The following PGBD2 variants were observed in gnomAD, a reference collection of about 807,000 sequenced individuals.
PGBD2 encodes the protein piggyBac transposable element-derived protein 2.
In PGBD2, 6 loss-of-function variants were observed where a neutral mutation model predicts 8.1. The observed-to-expected ratio is 0.74, with a 90% CI of 0.40 to 1.46. The LOEUF (loss-of-function observed/expected upper bound fraction) is 1.46. Ranked by LOEUF, PGBD2 falls within the 40% of genes most tolerant of loss-of-function variation. The pLI is 0.02. For missense variants in PGBD2, 802 were observed against 739.0 expected (o/e 1.09, Z -0.99); for synonymous variants, 318 against 272.2 (o/e 1.17, Z -1.66).
the PGBD2 span, among the ~76,000 whole-genome samples, chr1:248,874,251 C>T: frequency 5.3e-5 from 8 of 152,180 alleles, no homozygotes; most frequent in East Asian, 1.9e-4. Context: ...CATGTCTTCC[C>T]TGGTGGTCTA....
chr1:248,908,549 A>G lies in PGBD2; in HGVS notation c.-48+2207A>G, dbSNP rs1661743526. ...CTTAAGTGTGTCCATTTCTCTCCAT[A>G]GGCCCCACCCTTTTGCCGTAGCCTT... On this transcript the variant is annotated intron_variant, in intron 1 of 2. Coordinates refer to ENST00000329291, the MANE Select transcript of PGBD2 (RefSeq NM_170725.3). Among the ~76,000 whole-genome samples, 8 of 152,144 alleles carry G rather than the reference A, an allele frequency of 5.3e-5. No homozygotes were observed. In the South Asian group the frequency reaches 1.7e-3, roughly 32 times the overall value.
At chr1:248,928,403 T>G in the PGBD2 span, among the ~76,000 whole-genome samples, 2 of 152,204 alleles carry the variant, frequency 1.3e-5, no homozygotes, top group Non-Finnish European at 2.9e-5. Context: ...TGAATGATTG[T>G]ATTGGACATT....
At chr1:248,921,010 G>A (rs1365810058), downstream of PGBD2, among the ~76,000 whole-genome samples, 1 of 148,688 alleles carries the variant, frequency 6.7e-6, no homozygotes, top group Non-Finnish European at 1.5e-5. Flanking sequence ...TTGTAAATTT[G>A]TTTAAGTTCT....
chr1:248,879,196 T>C, the PGBD2 span, among the ~76,000 whole-genome samples: 1 of 152,226 alleles, frequency 6.6e-6, no homozygotes, highest in African/African-American at 2.4e-5. Context: ...TGCTGTTTTA[T>C]TATGGCTACT....
chr1:248,882,525 T>C, the PGBD2 span, among the ~76,000 whole-genome samples: 4 of 152,196 alleles, frequency 2.6e-5, no homozygotes, highest in African/African-American at 9.6e-5. Flanking sequence ...AGCTAGACAA[T>C]CGGTTAGACC....
chr1:248,901,209 A>T (rs557150794), upstream of PGBD2, among the ~76,000 whole-genome samples: 1 of 152,214 alleles, frequency 6.6e-6, no homozygotes, highest in Non-Finnish European at 1.5e-5. Flanking sequence ...TTAAATTGCT[A>T]TGGACATTTT....
chr1:248,917,868 A>T lies in PGBD2; in HGVS notation c.1284A>T (p.Ile428=). ...ACATTTGCTCCAATGCTGTGGGCAT[A>T]GAGCCAGTGAGGCTGACCAGTCGTC... ...VVNICSNAVG[I]EPVRLTSRHS... is the part of the protein sequence containing the mutation. Residue 428 remains isoleucine, a synonymous_variant, in exon 3 of 3, where the codon ATA becomes ATT. Transcript: ENST00000329291. The T allele has an allele frequency of 6.2e-7, 1 of 1,614,240 alleles. No individual in the cohort carries two copies. The highest frequency in any genetic ancestry group is 8.5e-7 in the Non-Finnish European group (1 of 1,180,044).
At chr1:248,900,522 G>T in the PGBD2 span, among the ~76,000 whole-genome samples, 1 of 152,110 alleles carries the variant, frequency 6.6e-6, no homozygotes, top group Admixed American at 6.6e-5. Flanking sequence ...AAGCATAAAA[G>T]ATCTTTGATA....
chr1:248,908,703 T>C (rs962004502), intron 1 of PGBD2, among the ~76,000 whole-genome samples: 4 of 150,130 alleles, frequency 2.7e-5, no homozygotes, highest in Admixed American at 2.0e-4. Flanking sequence ...TTTTTTAAAC[T>C]TCCCATAGCT....
At chr1:248,898,319 G>C in the PGBD2 span, among the ~76,000 whole-genome samples, 1 of 152,196 alleles carries the variant, frequency 6.6e-6, no homozygotes, top group Non-Finnish European at 1.5e-5. Flanking sequence ...ACCTCCAGCA[G>C]CATTTGGGCT....
chr1:248,878,881 T>C, the PGBD2 span, among the ~76,000 whole-genome samples: 1 of 152,244 alleles, frequency 6.6e-6, no homozygotes, highest in Non-Finnish European at 1.5e-5. Flanking sequence ...TCCACTGTTG[T>C]TATGGCATAT....
chr1:248,886,541 C>T, the PGBD2 span, among the ~76,000 whole-genome samples: 2 of 152,164 alleles, frequency 1.3e-5, no homozygotes, highest in Non-Finnish European at 2.9e-5. Flanking sequence ...AAAATATCTT[C>T]CTAGACATTG....
chr1:248,917,229 A>G lies in PGBD2; in HGVS notation c.645A>G (p.Ala215=). The G allele has an allele frequency of 6.2e-7, 1 of 1,614,140 alleles. No individual in the cohort carries two copies. Residue 215 remains alanine (A), a synonymous_variant, in exon 3 of 3, where the codon GCA becomes GCG. Transcript: ENST00000329291. ...PDSHHHLVAD[A]IRRDRFELIF... ...CACATCATCATCTTGTGGCTGATGC[A>G]ATTAGAAGGGACAGATTTGAACTAA...
the PGBD2 span, among the ~76,000 whole-genome samples, chr1:248,896,164 A>G: frequency 6.6e-6 from 1 of 151,748 alleles, no homozygotes; most frequent in African/African-American, 2.4e-5. Context: ...ATGGTCTTCA[A>G]CTCCATCCAA....
At chr1:248,873,154 C>G in the PGBD2 span, among the ~76,000 whole-genome samples, 3 of 151,708 alleles carry the variant, frequency 2.0e-5, no homozygotes, top group Non-Finnish European at 4.4e-5. Flanking sequence ...GGTATCTGGG[C>G]TCACAGGTAA....
chr1:248,905,398 G>T (rs1661603575), upstream of PGBD2, among the ~76,000 whole-genome samples: 1 of 152,158 alleles, frequency 6.6e-6, no homozygotes, highest in African/African-American at 2.4e-5. Flanking sequence ...ATACCTAATG[G>T]GCTACTGGGT....
intron 1 of PGBD2, among the ~76,000 whole-genome samples, chr1:248,910,213 A>G (rs564003685): frequency 1.3e-5 from 2 of 152,362 alleles, no homozygotes; most frequent in East Asian, 3.9e-4. Context: ...AAATGTATGG[A>G]TATTTATAGT....
At chr1:248,903,551 C>T (rs1331340036), upstream of PGBD2, among the ~76,000 whole-genome samples, 1 of 152,164 alleles carries the variant, frequency 6.6e-6, no homozygotes, top group East Asian at 1.9e-4. Context: ...CAAATCAATT[C>T]AATTGTCATC....
rs533525036 is a variant in PGBD2, at chr1:248,911,409, T to C, written c.-47-2407T>C. Among the ~76,000 whole-genome samples, 175 of 150,384 alleles carry C rather than the reference T, an allele frequency of 1.2e-3. 3 individuals carry two copies. The highest frequency in any genetic ancestry group is 4.3e-3 in the African/African-American group (171 of 39,774). The stretch of plus-strand genomic sequence containing the variant: ...TTCAACCCTGAGTGGACACAGCACA[T>C]GTTTCAGAGAGCACAGGGTTGGGGG... On this transcript the variant is annotated intron_variant, in intron 1 of 2. Transcript: ENST00000329291.
Sources: allele counts gnomAD v4.1 joint callset (sites outside exome capture counted in the v4.1 genomes callset), GRCh38; gene constraint gnomAD v4.1.1; transcripts MANE v1.5; gene names NCBI Gene and HGNC (gene_info 2026-07-23, HGNC 2026-07-21).